PCDH15: variants seen among roughly 807,000 people sequenced by gnomAD.
The protein encoded by PCDH15 is protocadherin related 15.
A neutral mutation model predicts 178.5 loss-of-function variants in PCDH15; 129 were observed. The observed-to-expected ratio is 0.72, with a 90% CI of 0.63 to 0.84. The LOEUF (loss-of-function observed/expected upper bound fraction) is 0.84. Among genes scored for constraint, PCDH15 ranks in the 40% least tolerant of loss-of-function variants. The pLI is 0.00. For missense variants in PCDH15, 2,230 were observed against 2,099.9 expected (o/e 1.06, Z -1.21); for synonymous variants, 800 against 732.0 (o/e 1.09, Z -1.50).
chr10:54,236,882 T>C lies in PCDH15; in HGVS notation c.926A>G (p.Gln309Arg). 6.2e-7 allele frequency: 1 copy of C among 1,613,728 alleles called. No individual in the cohort carries two copies. Among genetic ancestry groups the C allele is most frequent in the African/African-American group, 1.3e-5 (1 of 75,010 alleles). The change falls in exon 9 of 38, where the codon CAG becomes CGG. Residue 309 changes from glutamine (Q) to arginine (R), a missense_variant. Physicochemically the swap from Gln to Arg is conservative, Grantham distance 43 (BLOSUM62 1). Coordinates refer to ENST00000644397, the MANE Select transcript of PCDH15 (RefSeq NM_001384140.1). ...IVTPPIQAID[Q>R]DRNIQPPSDR... is the part of the protein sequence containing the mutation. ...TGATGGCGGTTGAATATTCCGGTCCTGATCAATGGCTTGGATTGGTGGCGT... is the reference window on the plus strand; with the variant it reads ...TGATGGCGGTTGAATATTCCGGTCCCGATCAATGGCTTGGATTGGTGGCGT...
intron 18 of PCDH15, among the ~76,000 whole-genome samples, chr10:54,061,158 G>T (rs1056734593): frequency 6.6e-6 from 1 of 152,134 alleles, no homozygotes; most frequent in Non-Finnish European, 1.5e-5. Flanking sequence ...AAAGACTTGG[G>T]ATCATCTGAG....
rs181593646 is a variant in PCDH15 at position 55,036,425 on chromosome 10, C to T, written c.-80+130151G>A. Among the ~76,000 whole-genome samples, 49 of 152,188 alleles carry T rather than the reference C, an allele frequency of 3.2e-4. No homozygotes were observed. The East Asian group carries it at 8.9e-3, about 28-fold the overall frequency. On this transcript the variant is annotated intron_variant, in intron 2 of 5. Coordinates refer to the PCDH15 transcript ENST00000458638. ...CAATTTCCCCAGATAAGACAAGCTC[C>T]GGTATGTTAAGAGTCTTAGCTTAGA...
At chr10:54,096,902 A>G (rs575898615) in intron 15 of PCDH15, among the ~76,000 whole-genome samples, 113 of 152,344 alleles carry the variant, frequency 7.4e-4, no homozygotes, top group South Asian at 1.7e-3. Flanking sequence ...CAGTCTTTTA[A>G]TTTTGGCTAA....
rs563029071 is a variant in PCDH15, at chr10:54,176,898, G to A, written c.1590+6546C>T. 2.6e-5 allele frequency among the ~76,000 whole-genome samples: 4 copies of A among 152,014 alleles called. No homozygotes were observed. In the South Asian group the frequency reaches 8.3e-4, roughly 32 times the overall value. ...AAAGATATCCATATTCATTCTATAT[G>A]ATCCAGCAATCCCACTCCTTGGTAT... On this transcript the variant is annotated intron_variant, in intron 13 of 37. Coordinates refer to ENST00000644397, the MANE Select transcript of PCDH15 (RefSeq NM_001384140.1).
At chr10:53,961,230 A>G (rs939324165) in intron 22 of PCDH15, among the ~76,000 whole-genome samples, 24 of 152,088 alleles carry the variant, frequency 1.6e-4, no homozygotes, top group African/African-American at 5.1e-4. Flanking sequence ...ATTGTAATAT[A>G]TCAATCTTAT....
At chr10:54,438,875 A>C (rs1290370030) in intron 3 of PCDH15, among the ~76,000 whole-genome samples, 5 of 152,114 alleles carry the variant, frequency 3.3e-5, no homozygotes, top group African/African-American at 1.2e-4. Flanking sequence ...TCACTTAGGC[A>C]GCTAATTCAC....
intron 2 of PCDH15, among the ~76,000 whole-genome samples, chr10:54,575,891 T>C (rs936864176): frequency 1.3e-5 from 2 of 152,138 alleles, no homozygotes; most frequent in Admixed American, 1.3e-4. Context: ...CCACACAACA[T>C]TGATTTTAAT....
chr10:55,227,039 A>G (rs1841067162), intron 1 of PCDH15, among the ~76,000 whole-genome samples: 1 of 152,202 alleles, frequency 6.6e-6, no homozygotes, highest in East Asian at 1.9e-4. Flanking sequence ...AATTAGCTTC[A>G]TTAGTCATTC....
Position 55,329,072 on chromosome 10 carries a change from C to T in PCDH15, c.-155-162421G>A, listed in dbSNP as rs1261812989. 2.7e-5 allele frequency among the ~76,000 whole-genome samples: 4 copies of T among 148,202 alleles called. No homozygotes were observed. The Admixed American group carries it at 2.7e-4, about 10-fold the overall frequency. On this transcript the variant is annotated intron_variant, in intron 2 of 5. Transcript: ENST00000613346. ...ATATGAAGTAATGGGTTATTGAAACCTAAAGTTAAATAAGACATGCTCCAT... is the reference window on the plus strand; with the variant it reads ...ATATGAAGTAATGGGTTATTGAAACTTAAAGTTAAATAAGACATGCTCCAT...
chr10:55,389,263 G>A (rs1474668382), intron 2 of PCDH15, among the ~76,000 whole-genome samples: 1 of 151,916 alleles, frequency 6.6e-6, no homozygotes, highest in East Asian at 1.9e-4. Context: ...AACTGAGGTG[G>A]AAAAATAGAG....
intron 20 of PCDH15, among the ~76,000 whole-genome samples, chr10:54,003,736 CAA>C (rs55871741): frequency 0.051 from 3,847 of 76,102 alleles, 56 homozygotes; most frequent in African/African-American, 0.13. Context: ...CAAACTATTC[CAA>C]AAAAAAAAAA....
chr10:53,820,333 T>A, intron 32 of PCDH15, 103 bp from the exon 33 acceptor site: 1 of 393,728 alleles, frequency 2.5e-6, no homozygotes, highest in East Asian at 3.6e-5. Flanking sequence ...GATGGGCTAA[T>A]AAAAATAATC....
rs5785107 is a variant in PCDH15 at position 55,008,252 on chromosome 10, G to GAA, written c.-79-110754_-79-110753dup. Among the ~76,000 whole-genome samples the GAA allele has an allele frequency of 1.7e-3, 247 of 148,384 alleles. 1 individual carries two copies. Among genetic ancestry groups the GAA allele is most frequent in the Non-Finnish European group, 2.5e-3 (170 of 67,250 alleles). On this transcript the variant is annotated intron_variant, in intron 2 of 5. Coordinates refer to the PCDH15 transcript ENST00000458638. The stretch of plus-strand genomic sequence containing the variant: ...TGGAGCACCATGTAGATAAATCTTT[G>GAA]AAAAAAAAAACAACATTCTCAGTCT...
At chr10:55,277,934 T>C (rs1842637203) in intron 1 of PCDH15, among the ~76,000 whole-genome samples, 1 of 152,148 alleles carries the variant, frequency 6.6e-6, no homozygotes, top group Admixed American at 6.6e-5. Flanking sequence ...AGGTTTTGTT[T>C]ACTACTGTTT....
chr10:55,476,779 G>A (rs1840070431), intron 2 of PCDH15, among the ~76,000 whole-genome samples: 1 of 151,852 alleles, frequency 6.6e-6, no homozygotes, highest in Non-Finnish European at 1.5e-5. Flanking sequence ...TTCCTTCCAA[G>A]CACTCTTGCA....
At chr10:54,268,780 TACAC>T (rs1440452819) in intron 8 of PCDH15, among the ~76,000 whole-genome samples, 2 of 152,042 alleles carry the variant, frequency 1.3e-5, no homozygotes, top group African/African-American at 2.4e-5. Context: ...TAATAAGACA[TACAC>T]ACACAGAGAA....
chr10:54,644,834 T>C (rs2094087818), intron 2 of PCDH15, among the ~76,000 whole-genome samples: 1 of 152,148 alleles, frequency 6.6e-6, no homozygotes, highest in South Asian at 2.1e-4. Flanking sequence ...GGCTGTGCAC[T>C]CTGTACCTTA....
chr10:55,320,455 C>T (rs1232996609), upstream of PCDH15, among the ~76,000 whole-genome samples: 2 of 152,078 alleles, frequency 1.3e-5, no homozygotes, highest in Non-Finnish European at 2.9e-5. Flanking sequence ...CAAGCATGCA[C>T]CCTGCCATGT....
chr10:54,776,591 T>C (rs1022165885), intron 1 of PCDH15, among the ~76,000 whole-genome samples: 12 of 152,152 alleles, frequency 7.9e-5, no homozygotes, highest in African/African-American at 2.7e-4. Flanking sequence ...AAAGAACATA[T>C]TTAAGTGGAG....
Sources: gnomAD v4.1 joint callset for allele counts (sites outside exome capture counted in the v4.1 genomes callset) on GRCh38, gnomAD v4.1.1 for gene constraint, MANE v1.5 for transcripts, NCBI Gene and HGNC (gene_info 2026-07-23, HGNC 2026-07-21) for gene names.